RBFOX1: variants seen among roughly 807,000 people sequenced by gnomAD.
RBFOX1 encodes the protein RNA binding protein fox-1 homolog 1.
Under a neutral mutation model 57.7 loss-of-function variants are expected in RBFOX1, and 8 were observed. The observed-to-expected ratio is 0.14, with a 90% CI of 0.08 to 0.25. RBFOX1 has a LOEUF of 0.25. RBFOX1 is among the 10% of genes least tolerant of loss of function. RBFOX1 has a pLI of 1.00. For synonymous variants in RBFOX1, 326 were observed against 222.4 expected, an observed-to-expected ratio of 1.47 and a Z score of -4.15; for missense variants, 611 against 548.5, an observed-to-expected ratio of 1.11 and a Z score of -1.14.
At chr16:6,905,602 C>G (rs1328248546) in intron 3 of RBFOX1, among the ~76,000 whole-genome samples, 2 of 151,086 alleles carry the variant, frequency 1.3e-5, no homozygotes, top group East Asian at 1.9e-4. Flanking sequence ...AATCATCTAG[C>G]TAGTAGGTTG....
intron 2 of RBFOX1, among the ~76,000 whole-genome samples, chr16:6,363,217 T>G (rs2088926426): frequency 6.6e-6 from 1 of 152,182 alleles, no homozygotes. Context: ...TTTTGAAGAC[T>G]TTTTTTCTAT....
intron 4 of RBFOX1, among the ~76,000 whole-genome samples, chr16:7,352,922 C>G (rs568389855): frequency 6.6e-6 from 1 of 152,156 alleles, no homozygotes; most frequent in African/African-American, 2.4e-5. Context: ...CACCATGTTG[C>G]CTACGCTGGT....
chr16:5,915,053 A>G (rs1252465350), intron 4 of RBFOX1, among the ~76,000 whole-genome samples: 2 of 152,152 alleles, frequency 1.3e-5, no homozygotes, highest in Non-Finnish European at 1.5e-5. Flanking sequence ...GTTTACACCC[A>G]AGGGGAGGGT....
intron 14 of RBFOX1, among the ~76,000 whole-genome samples, chr16:7,690,791 C>G (rs1421986982): frequency 6.6e-6 from 1 of 152,032 alleles, no homozygotes; most frequent in East Asian, 1.9e-4. Context: ...TTTATGGGCC[C>G]TCTAAATCAA....
chr16:5,934,594 G>C (rs937368077), intron 4 of RBFOX1, among the ~76,000 whole-genome samples: 1 of 152,124 alleles, frequency 6.6e-6, no homozygotes, highest in Non-Finnish European at 1.5e-5. Flanking sequence ...AAAGAGAAGA[G>C]GATATTGAAT....
chr16:7,226,694 T>C (rs9888842), intron 4 of RBFOX1, among the ~76,000 whole-genome samples: 140,776 of 152,276 alleles, frequency 0.92, 65,325 homozygotes, highest in East Asian at 1. Context: ...CCGCAAAAAG[T>C]ACTGTAGAGG....
At chr16:6,265,201 G>T (rs922510722) in intron 1 of RBFOX1, among the ~76,000 whole-genome samples, 12 of 152,080 alleles carry the variant, frequency 7.9e-5, no homozygotes, top group Non-Finnish European at 1.8e-4. Context: ...TGTTTGTCTG[G>T]TTACCCTCGG....
At chr16:7,598,251 TG>T (rs967924738) in intron 9 of RBFOX1, among the ~76,000 whole-genome samples, 12 of 152,192 alleles carry the variant, frequency 7.9e-5, no homozygotes, top group Non-Finnish European at 1.6e-4. Context: ...CCCATTAAAA[TG>T]AGCAGGATAA....
At chr16:7,477,108 C>G (rs1216126898) in intron 4 of RBFOX1, among the ~76,000 whole-genome samples, 2 of 152,024 alleles carry the variant, frequency 1.3e-5, no homozygotes, top group South Asian at 2.1e-4. Context: ...TCCTTTTTTT[C>G]TCACTACTTT....
intron 3 of RBFOX1, among the ~76,000 whole-genome samples, chr16:6,928,777 T>C (rs2153470272): frequency 6.6e-6 from 1 of 152,246 alleles, no homozygotes; most frequent in South Asian, 2.1e-4. Context: ...ATTGTTTGAT[T>C]TCTTTCCGCT....
At chr16:7,691,019 T>A (rs1446660962) in intron 14 of RBFOX1, among the ~76,000 whole-genome samples, 1 of 152,164 alleles carries the variant, frequency 6.6e-6, no homozygotes, top group Non-Finnish European at 1.5e-5. Flanking sequence ...ATCACACAGA[T>A]TGAATTCATG....
At chr16:5,904,504 G>T (rs937606318) in intron 4 of RBFOX1, among the ~76,000 whole-genome samples, 8 of 151,942 alleles carry the variant, frequency 5.3e-5, no homozygotes, top group Middle Eastern at 3.4e-3. Flanking sequence ...AGCAGAATGT[G>T]GGGATGGTGG....
At chr16:6,958,910 C>G (rs1004813888) in intron 3 of RBFOX1, among the ~76,000 whole-genome samples, 1 of 151,996 alleles carries the variant, frequency 6.6e-6, no homozygotes, top group Non-Finnish European at 1.5e-5. Flanking sequence ...AAATTAATGA[C>G]AAGGCGTATT....
At chr16:6,644,383 A>G (rs1339609490) in intron 2 of RBFOX1, among the ~76,000 whole-genome samples, 1 of 152,176 alleles carries the variant, frequency 6.6e-6, no homozygotes, top group Non-Finnish European at 1.5e-5. Flanking sequence ...AATATTATAA[A>G]CCGTTCTGCT....
intron 3 of RBFOX1, among the ~76,000 whole-genome samples, chr16:6,878,596 C>T (rs78844573): frequency 2.0e-5 from 3 of 152,118 alleles, no homozygotes; most frequent in South Asian, 4.1e-4. Flanking sequence ...CATGCAGTGT[C>T]CTCATGTGAA....
intron 2 of RBFOX1, among the ~76,000 whole-genome samples, chr16:6,577,913 T>C (rs1473905197): frequency 6.6e-6 from 1 of 152,214 alleles, no homozygotes; most frequent in Non-Finnish European, 1.5e-5. Flanking sequence ...TACTGCAATG[T>C]CATACAAATG....
chr16:6,376,903 C>T (rs1215275418), intron 2 of RBFOX1, among the ~76,000 whole-genome samples: 2 of 152,026 alleles, frequency 1.3e-5, no homozygotes, highest in African/African-American at 4.8e-5. Flanking sequence ...TGTGTCACTC[C>T]AATCTCTGGC....
intron 4 of RBFOX1, among the ~76,000 whole-genome samples, chr16:7,134,414 G>C (rs1288749288): frequency 6.6e-6 from 1 of 152,146 alleles, no homozygotes; most frequent in Non-Finnish European, 1.5e-5. Flanking sequence ...TACTTCTTCA[G>C]GCATTGAGGA....
At chr16:6,943,243 G>T (rs1425705270) in intron 3 of RBFOX1, among the ~76,000 whole-genome samples, 2 of 152,210 alleles carry the variant, frequency 1.3e-5, no homozygotes, top group South Asian at 4.1e-4. Flanking sequence ...GAGAAAGCCA[G>T]CAGTCAATGA....
Sources: allele counts gnomAD v4.1 joint callset (sites outside exome capture counted in the v4.1 genomes callset), GRCh38; gene constraint gnomAD v4.1.1; transcripts MANE v1.5; gene names NCBI Gene and HGNC (gene_info 2026-07-23, HGNC 2026-07-21).